Variants in DMAC2 observed in about 807,000 individuals in gnomAD.
The protein encoded by DMAC2 is distal membrane arm assembly component 2, also known as distal membrane-arm assembly complex protein 2.
In DMAC2, 32 loss-of-function variants were observed where a neutral mutation model predicts 29.6. The ratio of observed to expected loss-of-function variants is 1.08; its 90% CI spans 0.81 to 1.45. DMAC2 has a LOEUF of 1.45. DMAC2 is among the 40% of genes most tolerant of loss of function. The pLI, the probability that DMAC2 is intolerant of heterozygous loss-of-function variation, is 0.00. For missense variants in DMAC2, 319 were observed against 340.0 expected (o/e 0.94, Z 0.49); for synonymous variants, 133 against 137.4 (o/e 0.97, Z 0.23).
intron 1 of DMAC2, chr19:41,439,533 C>T (rs1555772384): frequency 2.0e-6 from 3 of 1,536,818 alleles, no homozygotes; most frequent in Non-Finnish European, 2.6e-6. Flanking sequence ...CTTCCAAGCT[C>T]TCTTATCCTA....
intron 3 of DMAC2, among the ~76,000 whole-genome samples, chr19:41,434,309 G>A (rs2039740070): frequency 6.6e-6 from 1 of 151,122 alleles, no homozygotes. Context: ...TTGGGAGGCT[G>A]AGGTGGGAGG....
intron 3 of DMAC2, among the ~76,000 whole-genome samples, chr19:41,435,204 C>T (rs1195210582): frequency 4.6e-5 from 7 of 151,946 alleles, no homozygotes; most frequent in Non-Finnish European, 1.0e-4. Flanking sequence ...TCTTGAACTC[C>T]TGGGCTCAAG....
chr19:41,433,851 A>G (rs190361454), intron 3 of DMAC2, among the ~76,000 whole-genome samples, 178 bp from the exon 4 acceptor site: 113 of 152,252 alleles, frequency 7.4e-4, no homozygotes, highest in African/African-American at 2.6e-3. Flanking sequence ...TAATCCCAGC[A>G]CTTTGGGAGG....
chr19:41,436,338 A>G, intron 3 of DMAC2, 54 bp downstream of exon 3: 3 of 1,495,598 alleles, frequency 2.0e-6, no homozygotes, highest in Non-Finnish European at 2.8e-6. Context: ...CCTGGATGTT[A>G]GAGAGATACC....
intron 1 of DMAC2, chr19:41,439,192 A>C: frequency 2.6e-6 from 1 of 380,796 alleles, no homozygotes. Context: ...AATCTACCCC[A>C]ATTTCTCTTT....
In DMAC2 at chr19:41,432,154, A is replaced by C; in HGVS notation, c.*77T>G. ...CTGACGTTGAGTGAAGACAAATGGA[A>C]GCCAGAAGTGTGGTGAGCTACCAGA... On this transcript the variant is annotated 3_prime_UTR_variant, in exon 6 of 6. Transcript: ENST00000221943. 6.6e-7 allele frequency: 1 copy of C among 1,514,982 alleles called. No homozygotes were observed. The highest frequency in any genetic ancestry group is 1.2e-5 in the South Asian group (1 of 82,032). 93.8% of individuals were successfully genotyped at this position (1,514,982 alleles called of 1,614,324 possible). A position where few individuals can be genotyped will look rare whatever the true frequency, so the allele number is the denominator to read the frequency against.
intron 2 of DMAC2, 40 bp downstream of exon 2, chr19:41,438,178 C>T (rs2039967995): frequency 6.3e-7 from 1 of 1,578,990 alleles, no homozygotes; most frequent in Non-Finnish European, 8.6e-7. Flanking sequence ...CTCTGGTGGG[C>T]CAGGGTCTCC....
At chr19:41,434,323 G>C (rs1555770555) in intron 3 of DMAC2, among the ~76,000 whole-genome samples, 1 of 147,902 alleles carries the variant, frequency 6.8e-6, no homozygotes, top group Non-Finnish European at 1.5e-5. Flanking sequence ...TGGGAGGATA[G>C]CTTGAACCCA....
intron 3 of DMAC2, among the ~76,000 whole-genome samples, chr19:41,434,397 CAAAAAA>C (rs1160927067): frequency 4.7e-5 from 3 of 63,274 alleles, no homozygotes; most frequent in Non-Finnish European, 8.7e-5. Context: ...GACCCTATCT[CAAAAAA>C]AAAAAAAAAA....
At chr19:41,439,750 C>A (rs2040058074) in intron 1 of DMAC2, 132 bp downstream of exon 1, 3 of 1,475,624 alleles carry the variant, frequency 2.0e-6, no homozygotes, top group East Asian at 2.3e-5. Flanking sequence ...TTTGCACTCC[C>A]AGTACGGGGC....
intron 1 of DMAC2, 95 bp downstream of exon 1, chr19:41,439,787 G>T: frequency 6.3e-7 from 1 of 1,587,422 alleles, no homozygotes; most frequent in South Asian, 1.1e-5. Context: ...GCTGCCTCAC[G>T]GCTTTCTGCT....
chr19:41,432,729 GT>G, intron 5 of DMAC2: 1 of 398,268 alleles, frequency 2.5e-6, no homozygotes, highest in Non-Finnish European at 4.6e-6. Context: ...GTGTGTGTGT[GT>G]AGGGAGGTAC....
At chr19:41,433,484 T>G in intron 4 of DMAC2, 50 bp from the exon 5 acceptor site, 1 of 1,612,818 alleles carries the variant, frequency 6.2e-7, no homozygotes, top group East Asian at 2.2e-5. Context: ...CTGGAGCCCA[T>G]CACCAAAGGG....
chr19:41,436,432 C>T lies in DMAC2; in HGVS notation c.256G>A (p.Ala86Thr), dbSNP rs373307297. ...TGCTTCAGGATGAAAAAGGCACCTG[C>T]GCCGTATGGACCATGTTGCTTCTCC... is the stretch of plus-strand genomic sequence containing the variant. ...WLEKQHGPYG[A>T]GAFFILKQGG... is the part of the protein sequence containing the mutation. The change falls in exon 3 of 6, where the codon GCA becomes ACA. Residue 86 changes from alanine (A) to threonine (T), a missense_variant. Coordinates refer to ENST00000221943, the MANE Select transcript of DMAC2 (RefSeq NM_018035.3). 115 of 1,614,144 alleles carry T rather than the reference C, an allele frequency of 7.1e-5. No homozygotes were observed. Among genetic ancestry groups the T allele is most frequent in the South Asian group, 5.6e-4 (51 of 91,084 alleles).
intron 5 of DMAC2, 109 bp downstream of exon 5, chr19:41,433,163 G>A (rs1307776932): frequency 1.6e-6 from 2 of 1,214,038 alleles, no homozygotes; most frequent in East Asian, 2.6e-5. Flanking sequence ...GATGGATGCA[G>A]GGGGATATGA....
chr19:41,439,554 C>T (rs1555772401), intron 1 of DMAC2: 2 of 1,532,252 alleles, frequency 1.3e-6, no homozygotes, highest in Admixed American at 4.0e-5. Flanking sequence ...CAGGCCCCAC[C>T]CTTGCCTGTC....
intron 3 of DMAC2, among the ~76,000 whole-genome samples, chr19:41,436,122 C>G (rs1282173588): frequency 1.3e-5 from 2 of 152,150 alleles, no homozygotes; most frequent in Non-Finnish European, 1.5e-5. Flanking sequence ...GTGATCCGCC[C>G]GCCTTGGCCT....
At position 41,436,603 on chromosome 19, in the gene DMAC2, T is replaced by C. The variant is rs2231941; in HGVS notation, c.216-131A>G. The C allele has an allele frequency of 6.1e-3, 4,609 of 750,086 alleles. 24 individuals carry two copies. The highest frequency in any genetic ancestry group is 7.9e-3 in the Non-Finnish European group (3,547 of 446,218). The allele number at this position is 750,086 out of a possible 1,614,324, so 46.5% of individuals were successfully genotyped here. On this transcript the variant is annotated intron_variant, in intron 2 of 5. Transcript: ENST00000221943. ...ACAGATTCAGTCAGGCTGAAAATAT[T>C]TATTGCCCACCTCCTAAGTGCTGGG...
In DMAC2 at chr19:41,433,432, G is replaced by C. The variant is rs146603735; in HGVS notation, c.436C>G (p.Arg146Gly). 5.6e-6 allele frequency: 9 copies of C among 1,613,286 alleles called. No individual in the cohort carries two copies. The Admixed American group carries it at 1.2e-4, about 21-fold the overall frequency. The change falls in exon 5 of 6, where the codon CGC becomes GGC. Residue 146 changes from arginine (R) to glycine (G), a missense_variant and splice_region_variant. Physicochemically the swap from Arg to Gly is moderately radical, Grantham distance 125. Coordinates refer to ENST00000221943, the MANE Select transcript of DMAC2 (RefSeq NM_018035.3). ...GACAAGGACTGGAGCTCCTTCAGGCGGACTGCGGTGGGGAGAGGGTGGGAT... is the reference window on the plus strand; with the variant it reads ...GACAAGGACTGGAGCTCCTTCAGGCCGACTGCGGTGGGGAGAGGGTGGGAT... ...INYEGLDNLL[R>G]LKELQSLSLQ... is the part of the protein sequence containing the mutation.
Sources: gnomAD v4.1 joint callset for allele counts (sites outside exome capture counted in the v4.1 genomes callset) on GRCh38, gnomAD v4.1.1 for gene constraint, MANE v1.5 for transcripts, NCBI Gene and HGNC (gene_info 2026-07-23, HGNC 2026-07-21) for gene names.